The following TYW1B variants were observed in gnomAD, a reference collection of about 807,000 sequenced individuals.
TYW1B encodes S-adenosyl-L-methionine-dependent tRNA 4-demethylwyosine synthase TYW1B.
A neutral mutation model predicts 86.9 loss-of-function variants in TYW1B; 73 were observed. That is an observed-to-expected ratio of 0.84 (90% CI 0.70 to 1.02). TYW1B has a LOEUF of 1.02. Ranked by LOEUF, TYW1B falls within the 50% of genes least tolerant of loss-of-function variation. The probability of loss-of-function intolerance (pLI) is 0.00; values close to 1 mark genes in which losing one functional copy is unlikely to be tolerated. For synonymous variants in TYW1B, 248 were observed against 292.8 expected (o/e 0.85, Z 1.56); for missense variants, 637 against 827.4 (o/e 0.77, Z 2.82).
intron 13 of TYW1B, among the ~76,000 whole-genome samples, chr7:72,586,798 TAAAG>T (rs1398784330): frequency 6.6e-6 from 1 of 151,698 alleles, no homozygotes; most frequent in Admixed American, 6.6e-5. Context: ...GGCCTACAAA[TAAAG>T]AAAGGTACTC....
At position 72,814,525 on chromosome 7, in the gene TYW1B, A is replaced by G. The variant is rs193107494; in HGVS notation, c.237+855T>C. Among the ~76,000 whole-genome samples the G allele has an allele frequency of 1.1e-3, 161 of 152,064 alleles. 1 individual carries two copies. The East Asian group carries it at 0.027, about 26-fold the overall frequency. On this transcript the variant is annotated intron_variant, in intron 3 of 13. Transcript: ENST00000620995. ...TGTGAACCCGGGAGGCGGAGCTTGC[A>G]GTGAGCCGAGATCGCGCCACTGCAC... is the stretch of plus-strand genomic sequence containing the variant.
intron 13 of TYW1B, among the ~76,000 whole-genome samples, chr7:72,585,506 G>T (rs182691402): frequency 6.6e-6 from 1 of 152,170 alleles, no homozygotes; most frequent in African/African-American, 2.4e-5. Context: ...GCTTGATACA[G>T]TTTGGCTGTG....
intron 8 of TYW1B, among the ~76,000 whole-genome samples, chr7:72,733,288 C>T (rs1554460277): frequency 6.6e-6 from 1 of 151,828 alleles, no homozygotes; most frequent in Non-Finnish European, 1.5e-5. Flanking sequence ...CCAGTATTAC[C>T]CTGAAAACAA....
intron 6 of TYW1B, among the ~76,000 whole-genome samples, chr7:72,789,939 CTTTTTTT>C (rs67405029): frequency 2.9e-5 from 2 of 69,170 alleles, no homozygotes; most frequent in African/African-American, 5.3e-5. Flanking sequence ...ATAGGATTAT[CTTTTTTT>C]TTTTTTTTTT....
intron 11 of TYW1B, among the ~76,000 whole-genome samples, chr7:72,668,191 T>C (rs1813512648): frequency 6.6e-6 from 1 of 152,358 alleles, no homozygotes; most frequent in East Asian, 1.9e-4. Context: ...AATGTTATCA[T>C]AGATTTTGTT....
intron 11 of TYW1B, among the ~76,000 whole-genome samples, chr7:72,665,203 G>A (rs1485662933): frequency 2.6e-5 from 4 of 152,216 alleles, no homozygotes; most frequent in Non-Finnish European, 4.4e-5. Context: ...TTAAAAGAAA[G>A]AAGATGTGCC....
At position 72,682,727 on chromosome 7, in the gene TYW1B, C is replaced by T. The variant is rs189943466; in HGVS notation, c.1506+11960G>A. 6.0e-3 allele frequency among the ~76,000 whole-genome samples: 916 copies of T among 152,146 alleles called. 12 individuals are homozygous for T. The highest frequency in any genetic ancestry group is 0.021 in the African/African-American group (869 of 41,516). On this transcript the variant is annotated intron_variant, in intron 11 of 13. Transcript: ENST00000620995. ...GAGGTCACAGGGCAAACCTGCTGTC[C>T]CCATAATTGGAGGGAAAAACAGGCA...
At chr7:72,641,648 G>A (rs1186880502) in intron 11 of TYW1B, among the ~76,000 whole-genome samples, 1 of 152,108 alleles carries the variant, frequency 6.6e-6, no homozygotes, top group African/African-American at 2.4e-5. Flanking sequence ...TAAGGGACTG[G>A]TTTACGAGGT....
At chr7:72,798,010 T>C (rs201309613) in intron 6 of TYW1B, among the ~76,000 whole-genome samples, 2,203 of 62,790 alleles carry the variant, frequency 0.035, 41 homozygotes, top group African/African-American at 0.075. Flanking sequence ...TTTATATATA[T>C]ACACACACAC....
intron 11 of TYW1B, among the ~76,000 whole-genome samples, chr7:72,652,198 A>G (rs1813076317): frequency 6.6e-6 from 1 of 151,784 alleles, no homozygotes; most frequent in African/African-American, 2.4e-5. Context: ...AACACAGTGA[A>G]ACCCCGCCTC....
chr7:72,736,555 T>C (rs1486691496), intron 8 of TYW1B, among the ~76,000 whole-genome samples: 1 of 152,204 alleles, frequency 6.6e-6, no homozygotes, highest in East Asian at 1.9e-4. Context: ...CATGCATCCA[T>C]GACCAAAATC....
chr7:72,657,321 T>A (rs1554443803), intron 11 of TYW1B, among the ~76,000 whole-genome samples: 1 of 152,170 alleles, frequency 6.6e-6, no homozygotes, highest in African/African-American at 2.4e-5. Flanking sequence ...AATTTAAAAG[T>A]ATATAGAAAG....
At chr7:72,611,574 C>T (rs1308128375) in intron 13 of TYW1B, among the ~76,000 whole-genome samples, 2 of 152,162 alleles carry the variant, frequency 1.3e-5, no homozygotes, top group African/African-American at 4.8e-5. Context: ...CCTCCCCAGC[C>T]ATGTGGAACT....
chr7:72,698,939 G>A (rs1814390938), intron 10 of TYW1B, among the ~76,000 whole-genome samples: 1 of 152,086 alleles, frequency 6.6e-6, no homozygotes, highest in Non-Finnish European at 1.5e-5. Flanking sequence ...TCTCTTCAGG[G>A]GCTTATGCAC....
chr7:72,725,447 A>G (rs1431674892), intron 9 of TYW1B, among the ~76,000 whole-genome samples: 1 of 152,152 alleles, frequency 6.6e-6, no homozygotes, highest in African/African-American at 2.4e-5. Flanking sequence ...ACTTCACATA[A>G]AAATAAAAGT....
At chr7:72,671,936 A>G (rs1813615550) in intron 11 of TYW1B, among the ~76,000 whole-genome samples, 1 of 151,522 alleles carries the variant, frequency 6.6e-6, no homozygotes, top group South Asian at 2.1e-4. Context: ...GGCTGGATAA[A>G]TATTTTATAA....
chr7:72,610,625 G>GTTT (rs1811910783), intron 13 of TYW1B, among the ~76,000 whole-genome samples: 2 of 151,650 alleles, frequency 1.3e-5, no homozygotes, highest in African/African-American at 4.9e-5. Flanking sequence ...GTTATAACAG[G>GTTT]TTTGTTGTTG....
chr7:72,773,512 T>A lies in TYW1B; in HGVS notation c.964+3904A>T, dbSNP rs375059833. ...GAGAGACGACCCAAGCGAAGCCCAG[T>A]GGACTCTTGAGTTTGGAAAATGCAA... On this transcript the variant is annotated intron_variant, in intron 7 of 13. Coordinates refer to ENST00000620995, the MANE Select transcript of TYW1B (RefSeq NM_001145440.3). Among the ~76,000 whole-genome samples, 14 of 152,222 alleles carry A rather than the reference T, an allele frequency of 9.2e-5. No homozygotes were observed. In the East Asian group the frequency reaches 2.7e-3, roughly 29 times the overall value.
intron 9 of TYW1B, among the ~76,000 whole-genome samples, chr7:72,717,790 C>T (rs1423547426): frequency 7.2e-5 from 11 of 152,078 alleles, no homozygotes; most frequent in Non-Finnish European, 1.3e-4. Context: ...GCAAATTAAA[C>T]TTACAATGGG....
Sources: allele counts gnomAD v4.1 joint callset (sites outside exome capture counted in the v4.1 genomes callset), GRCh38; gene constraint gnomAD v4.1.1; transcripts MANE v1.5; gene names NCBI Gene and HGNC (gene_info 2026-07-23, HGNC 2026-07-21).